SLC4A4: variants seen among roughly 807,000 people sequenced by gnomAD.
The protein encoded by SLC4A4 is electrogenic sodium bicarbonate cotransporter 1.
Under a neutral mutation model 111.5 loss-of-function variants are expected in SLC4A4, and 27 were observed. The ratio of observed to expected loss-of-function variants is 0.24; its 90% CI spans 0.18 to 0.33. SLC4A4 has a LOEUF of 0.33. Ranked by LOEUF, SLC4A4 falls within the 10% of genes least tolerant of loss-of-function variation. SLC4A4 has a pLI of 1.00. For missense variants in SLC4A4, 909 were observed against 1,315.5 expected, an observed-to-expected ratio of 0.69 and a Z score of 4.78; for synonymous variants, 443 against 463.4, an observed-to-expected ratio of 0.96 and a Z score of 0.57.
rs1361523603 is a variant in SLC4A4 at position 71,534,533 on chromosome 4, T to A, written c.2442+145T>A. 3 of 724,882 alleles carry A rather than the reference T, an allele frequency of 4.1e-6. No homozygotes were observed. The African/African-American group carries it at 5.2e-5, about 13-fold the overall frequency. 44.9% of individuals were successfully genotyped at this position (724,882 alleles called of 1,614,324 possible). On this transcript the variant is annotated intron_variant, in intron 18 of 25. Coordinates refer to ENST00000264485, the MANE Select transcript of SLC4A4 (RefSeq NM_001098484.3). ...GAGTCCGCAGAACCAGAGATCACTT[T>A]GTATTGGTACATGTCTTCAATATAA... is the stretch of plus-strand genomic sequence containing the variant.
Position 71,258,802 on chromosome 4 carries a change from A to G in SLC4A4, c.253+3403A>G, listed in dbSNP as rs1031745463. 6.6e-5 allele frequency among the ~76,000 whole-genome samples: 10 copies of G among 152,264 alleles called. 1 individual carries two copies. Among genetic ancestry groups the G allele is most frequent in the Admixed American group, 3.9e-4 (6 of 15,302 alleles). ...TGGAAAGTGCCTCATTATTTTGTCT[A>G]TCGCCAAAGTGGGATTTTGGTCTGG... On this transcript the variant is annotated intron_variant, in intron 3 of 25. Coordinates refer to ENST00000264485, the MANE Select transcript of SLC4A4 (RefSeq NM_001098484.3).
chr4:71,451,238 C>T lies in SLC4A4; in HGVS notation c.1259C>T (p.Pro420Leu). The change falls in exon 11 of 26, where the codon CCC (proline) becomes CTC (leucine). Residue 420 changes from proline (P) to leucine (L), a missense_variant. Pro to Leu is a moderately conservative substitution (Grantham distance 98). Transcript: ENST00000264485. ...GENVQMNGDT[P>L]HDGGHGGGGH... ...AATGTTCAGATGAATGGGGATACGC[C>T]CCATGATGGAGGTCACGGAGGAGGA... The T allele has an allele frequency of 1.9e-6, 3 of 1,613,426 alleles. No individual in the cohort carries two copies. Among genetic ancestry groups the T allele is most frequent in the East Asian group, 2.2e-5 (1 of 44,852 alleles).
intron 16 of SLC4A4, among the ~76,000 whole-genome samples, chr4:71,499,464 C>T (rs1424518504): frequency 6.6e-6 from 1 of 152,142 alleles, no homozygotes; most frequent in African/African-American, 2.4e-5. Context: ...AAAACCTACT[C>T]TTTTAGCAAT....
At chr4:71,401,665 A>C (rs1453680564) in intron 7 of SLC4A4, among the ~76,000 whole-genome samples, 1 of 152,206 alleles carries the variant, frequency 6.6e-6, no homozygotes, top group Non-Finnish European at 1.5e-5. Context: ...ATATGGCTTC[A>C]GCTATGAGGA....
At chr4:71,087,255 C>T (rs1271131598) in intron 1 of SLC4A4, among the ~76,000 whole-genome samples, 1 of 151,364 alleles carries the variant, frequency 6.6e-6, no homozygotes, top group Non-Finnish European at 1.5e-5. Context: ...GGTGATATCC[C>T]CTTTATCATT....
intron 6 of SLC4A4, among the ~76,000 whole-genome samples, chr4:71,378,056 C>G (rs1261971359): frequency 2.0e-5 from 3 of 152,132 alleles, no homozygotes; most frequent in African/African-American, 7.2e-5. Context: ...GAGAATAGCA[C>G]AGGAGAGACC....
intron 16 of SLC4A4, 55 bp from the exon 17 acceptor site, chr4:71,532,007 A>G: frequency 2.0e-6 from 2 of 1,016,820 alleles, no homozygotes; most frequent in East Asian, 4.9e-5. Context: ...TCAAACACAG[A>G]CAAATATATG....
At chr4:71,527,482 G>A (rs1733518873) in intron 16 of SLC4A4, among the ~76,000 whole-genome samples, 1 of 152,058 alleles carries the variant, frequency 6.6e-6, no homozygotes, top group Admixed American at 6.6e-5. Flanking sequence ...AGCAGGTTTA[G>A]GGTGTCAGTG....
chr4:71,486,375 G>A (rs1416520255), intron 14 of SLC4A4, among the ~76,000 whole-genome samples: 3 of 151,384 alleles, frequency 2.0e-5, no homozygotes, highest in Non-Finnish European at 4.4e-5. Flanking sequence ...ACCTATAAAT[G>A]ACGCCACATT....
chr4:71,161,061 T>C lies in SLC4A4; in HGVS notation c.-2+68269T>C, dbSNP rs764376506. The stretch of plus-strand genomic sequence containing the variant: ...TGCCTGGGGGCTGGGGTATGTCTGC[T>C]GAGGGCCAGAGGGCGGAGAGACTTC... On this transcript the variant is annotated intron_variant, in intron 2 of 26. Coordinates refer to the SLC4A4 transcript ENST00000649996. 1.6e-4 allele frequency among the ~76,000 whole-genome samples: 24 copies of C among 152,306 alleles called. No individual in the cohort carries two copies. The Middle Eastern group carries it at 0.017, about 108-fold the overall frequency.
chr4:71,472,137 A>G (rs917076184), intron 13 of SLC4A4, among the ~76,000 whole-genome samples: 4 of 151,896 alleles, frequency 2.6e-5, no homozygotes, highest in African/African-American at 9.7e-5. Flanking sequence ...AGTTTCTACT[A>G]CTTATCCTTG....
chr4:71,250,411 C>T (rs1319630), intron 2 of SLC4A4, among the ~76,000 whole-genome samples: 103,723 of 152,000 alleles, frequency 0.68, 39,616 homozygotes, highest in Non-Finnish European at 0.87. Context: ...CTGGAACATC[C>T]CTCAGTGTTT....
At chr4:71,500,875 G>T (rs765949738) in intron 16 of SLC4A4, among the ~76,000 whole-genome samples, 1 of 152,112 alleles carries the variant, frequency 6.6e-6, no homozygotes, top group Non-Finnish European at 1.5e-5. Context: ...CTATAGTTTT[G>T]TAGTAGATTA....
At chr4:71,236,289 G>A (rs1719804327) in intron 1 of SLC4A4, 2 of 1,044,642 alleles carry the variant, frequency 1.9e-6, no homozygotes, top group South Asian at 3.0e-5. Context: ...AAACCCTAAA[G>A]GGGAGAGCCC....
chr4:71,175,831 C>T (rs577762137), intron 2 of SLC4A4, among the ~76,000 whole-genome samples: 13 of 152,256 alleles, frequency 8.5e-5, no homozygotes, highest in East Asian at 7.8e-4. Context: ...AAGAGAGTAG[C>T]GGTTCTCCAA....
At chr4:71,486,889 A>T in intron 14 of SLC4A4, 59 bp from the exon 15 acceptor site, 5 of 1,069,488 alleles carry the variant, frequency 4.7e-6, no homozygotes, top group Non-Finnish European at 5.7e-6. Flanking sequence ...CTAATTATGC[A>T]TTTAAGGTCT....
intron 3 of SLC4A4, among the ~76,000 whole-genome samples, chr4:71,295,208 C>T (rs888822030): frequency 2.0e-5 from 3 of 152,132 alleles, no homozygotes; most frequent in Non-Finnish European, 4.4e-5. Flanking sequence ...TAGGAGCTAT[C>T]TGCTTAGATT....
intron 6 of SLC4A4, among the ~76,000 whole-genome samples, chr4:71,378,995 C>A (rs73828117): frequency 1.3e-5 from 2 of 152,280 alleles, no homozygotes; most frequent in African/African-American, 4.8e-5. Context: ...CTGATTTATT[C>A]CCACCCTTCC....
At chr4:71,414,051 T>C (rs1721624339) in intron 7 of SLC4A4, among the ~76,000 whole-genome samples, 1 of 152,248 alleles carries the variant, frequency 6.6e-6, no homozygotes. Context: ...GCAGTGGTTC[T>C]TAAGCTTTTC....
Sources: allele counts gnomAD v4.1 joint callset (sites outside exome capture counted in the v4.1 genomes callset), GRCh38; gene constraint gnomAD v4.1.1; transcripts MANE v1.5; gene names NCBI Gene and HGNC (gene_info 2026-07-23, HGNC 2026-07-21).